CCNYL1: variants seen among roughly 807,000 people sequenced by gnomAD.
The protein encoded by CCNYL1 is cyclin-Y-like protein 1.
In CCNYL1, 16 loss-of-function variants were observed where a neutral mutation model predicts 44.2. The observed-to-expected ratio is 0.36, with a 90% CI of 0.25 to 0.55. The LOEUF (loss-of-function observed/expected upper bound fraction) is 0.55, where lower values mean the gene tolerates loss of function less well. CCNYL1 is among the 20% of genes least tolerant of loss of function. The pLI is 0.85. For synonymous variants in CCNYL1, 159 were observed against 163.2 expected, an observed-to-expected ratio of 0.97 and a Z score of 0.20; for missense variants, 348 against 451.8, an observed-to-expected ratio of 0.77 and a Z score of 2.08.
At chr2:207,721,742 T>G (rs924292732) in intron 1 of CCNYL1, among the ~76,000 whole-genome samples, 1 of 152,052 alleles carries the variant, frequency 6.6e-6, no homozygotes, top group African/African-American at 2.4e-5. Flanking sequence ...TTGTTTTTTT[T>G]TTTTTTGTTT....
chr2:207,741,265 T>A (rs1161961648), intron 6 of CCNYL1, among the ~76,000 whole-genome samples: 2 of 150,972 alleles, frequency 1.3e-5, no homozygotes, highest in Non-Finnish European at 3.0e-5. Flanking sequence ...AAAAAAAAAA[T>A]TTTTCAAAGT....
In CCNYL1 at chr2:207,715,765, G is replaced by T. The variant is rs11896569; in HGVS notation, c.220+3649G>T. Among the ~76,000 whole-genome samples, 555 of 148,270 alleles carry T rather than the reference G, an allele frequency of 3.7e-3. 2 individuals carry two copies. The highest frequency in any genetic ancestry group is 0.014 in the African/African-American group (545 of 39,882). ...GATCTCGGCTCACTGTAACCTCTGCGCCCAGAGTTCAAGCAGTTCTCCTGC... is the reference window on the plus strand; with the variant it reads ...GATCTCGGCTCACTGTAACCTCTGCTCCCAGAGTTCAAGCAGTTCTCCTGC... On this transcript the variant is annotated intron_variant, in intron 1 of 9. Coordinates refer to ENST00000295414, the MANE Select transcript of CCNYL1 (RefSeq NM_001330218.2).
chr2:207,737,560 T>C, intron 5 of CCNYL1, 114 bp downstream of exon 5: 1 of 743,942 alleles, frequency 1.3e-6, no homozygotes, highest in Non-Finnish European at 2.1e-6. Context: ...TATTACAGTA[T>C]TGAACTGAAT....
At chr2:207,741,584 C>G (rs1468787805) in intron 6 of CCNYL1, among the ~76,000 whole-genome samples, 3 of 152,086 alleles carry the variant, frequency 2.0e-5, no homozygotes, top group African/African-American at 7.2e-5. Context: ...TGGTGGCTCA[C>G]CCCTGTAATC....
intron 7 of CCNYL1, among the ~76,000 whole-genome samples, chr2:207,746,111 C>T (rs2091853004): frequency 1.3e-5 from 2 of 152,138 alleles, no homozygotes; most frequent in South Asian, 4.1e-4. Flanking sequence ...AACTGCTTGG[C>T]AGGTTTAGAG....
intron 3 of CCNYL1, among the ~76,000 whole-genome samples, chr2:207,727,140 G>GCCTAAA (rs2091685771): frequency 6.6e-6 from 1 of 151,876 alleles, no homozygotes. Context: ...AAATATTTTT[G>GCCTAAA]CCTAAAGTTT....
intron 5 of CCNYL1, among the ~76,000 whole-genome samples, chr2:207,739,366 G>A (rs1169534254): frequency 2.6e-5 from 4 of 152,130 alleles, no homozygotes; most frequent in Non-Finnish European, 4.4e-5. Context: ...CTGAGTAGCC[G>A]GGACTGCGGG....
intron 5 of CCNYL1, among the ~76,000 whole-genome samples, chr2:207,738,498 G>A (rs2091782460): frequency 1.3e-5 from 2 of 152,110 alleles, no homozygotes; most frequent in South Asian, 4.1e-4. Context: ...TGGGATTACA[G>A]GCATGAGCCA....
chr2:207,747,900 TTC>T (rs1238918587), intron 8 of CCNYL1, among the ~76,000 whole-genome samples: 2 of 152,050 alleles, frequency 1.3e-5, no homozygotes, highest in Non-Finnish European at 2.9e-5. Flanking sequence ...TCAAGCTCCT[TTC>T]TCTTTTTCAT....
chr2:207,734,008 G>A lies in CCNYL1; in HGVS notation c.392G>A (p.Ser131Asn), dbSNP rs2105829913. The change falls in exon 4 of 10, where the codon AGC (serine) becomes AAC (asparagine). Residue 131 changes from serine to asparagine, a missense_variant. Physicochemically the swap from Ser to Asn is conservative, Grantham distance 46 (BLOSUM62 1). Coordinates refer to ENST00000295414, the MANE Select transcript of CCNYL1 (RefSeq NM_001330218.2). ...SSCSTIFLDDSTVSQPNLRTT... is the reference protein window; with the variant it reads ...SSCSTIFLDDNTVSQPNLRTT... Reference sequence around the variant, plus strand: ...TGCTCAACAATATTTCTAGATGACAGCACAGTCAGCCAGCCTAATCTTAGA... The same window carrying A: ...TGCTCAACAATATTTCTAGATGACAACACAGTCAGCCAGCCTAATCTTAGA... 2.5e-6 allele frequency: 4 copies of A among 1,613,510 alleles called. No homozygotes were observed. The highest frequency in any genetic ancestry group is 3.4e-6 in the Non-Finnish European group (4 of 1,179,550).
Position 207,742,164 on chromosome 2 carries a change from A to T in CCNYL1, c.520-59A>T, listed in dbSNP as rs574711946. On this transcript the variant is annotated intron_variant, in intron 6 of 9. Coordinates refer to ENST00000295414, the MANE Select transcript of CCNYL1 (RefSeq NM_001330218.2). ...GAAACTCAGTCTCAAAAAAAAAAAA[A>T]AAAAGCTTAAAATTTTTTTCTTCAG... 1.9e-6 allele frequency: 3 copies of T among 1,539,944 alleles called. No individual in the cohort carries two copies. In the African/African-American group the frequency reaches 4.2e-5, roughly 21 times the overall value.
At chr2:207,730,983 C>T (rs1314799686) in intron 3 of CCNYL1, among the ~76,000 whole-genome samples, 3 of 151,946 alleles carry the variant, frequency 2.0e-5, no homozygotes, top group Non-Finnish European at 2.9e-5. Context: ...AGTTTAAATT[C>T]AACATAATGA....
At position 207,724,880 on chromosome 2, in the gene CCNYL1, A is replaced by G; in HGVS notation, c.295+6A>G. 2.5e-6 allele frequency: 4 copies of G among 1,604,514 alleles called. No individual in the cohort carries two copies. Among genetic ancestry groups the G allele is most frequent in the Admixed American group, 1.7e-5 (1 of 58,658 alleles). On this transcript the variant is annotated splice_donor_region_variant and intron_variant, in intron 2 of 9. Coordinates refer to ENST00000295414, the MANE Select transcript of CCNYL1 (RefSeq NM_001330218.2). ...GAGCAAATCTCAAACGGATGGTAAGACAATACTGTTTTTTCCTTCCAAGGA... is the reference window on the plus strand; with the variant it reads ...GAGCAAATCTCAAACGGATGGTAAGGCAATACTGTTTTTTCCTTCCAAGGA...
Position 207,732,147 on chromosome 2 carries a change from A to C in CCNYL1, c.331-1800A>C, listed in dbSNP as rs373179192. On this transcript the variant is annotated intron_variant, in intron 3 of 9. Coordinates refer to ENST00000295414, the MANE Select transcript of CCNYL1 (RefSeq NM_001330218.2). ...TTGAATGAATGTATTTGAATGAGTCAGTTTTTATTTTTTATACTGTATGTG... is the reference window on the plus strand; with the variant it reads ...TTGAATGAATGTATTTGAATGAGTCCGTTTTTATTTTTTATACTGTATGTG... Among the ~76,000 whole-genome samples, 66 of 152,310 alleles carry C rather than the reference A, an allele frequency of 4.3e-4. 1 individual carries two copies. Among genetic ancestry groups the C allele is most frequent in the African/African-American group, 1.5e-3 (64 of 41,580 alleles).
intron 5 of CCNYL1, among the ~76,000 whole-genome samples, chr2:207,739,746 T>A (rs2091793942): frequency 6.6e-6 from 1 of 152,198 alleles, no homozygotes; most frequent in Non-Finnish European, 1.5e-5. Flanking sequence ...TTTTTACTGC[T>A]TCAGCAAGGA....
chr2:207,737,280 TG>T, intron 4 of CCNYL1, 130 bp from the exon 5 acceptor site: 1 of 696,148 alleles, frequency 1.4e-6, no homozygotes, highest in Non-Finnish European at 2.5e-6. Flanking sequence ...AGTACCCATA[TG>T]GTACTGTTCT....
At chr2:207,737,737 C>T (rs1409930254) in intron 5 of CCNYL1, among the ~76,000 whole-genome samples, 1 of 151,542 alleles carries the variant, frequency 6.6e-6, no homozygotes, top group South Asian at 2.1e-4. Context: ...TCAACGTTGG[C>T]ACTGTTGATA....
chr2:207,726,798 G>T, intron 2 of CCNYL1, 44 bp from the exon 3 acceptor site: 1 of 1,355,964 alleles, frequency 7.4e-7, no homozygotes, highest in Non-Finnish European at 1.0e-6. Flanking sequence ...TTTATACTGT[G>T]GCATTTGTAT....
chr2:207,745,380 G>C (rs901755125), intron 7 of CCNYL1, among the ~76,000 whole-genome samples: 1 of 152,202 alleles, frequency 6.6e-6, no homozygotes, highest in Non-Finnish European at 1.5e-5. Flanking sequence ...AGTGGTATCA[G>C]TGAGCATCAG....
Sources: gnomAD v4.1 joint callset for allele counts (sites outside exome capture counted in the v4.1 genomes callset) on GRCh38, gnomAD v4.1.1 for gene constraint, MANE v1.5 for transcripts, NCBI Gene and HGNC (gene_info 2026-07-23, HGNC 2026-07-21) for gene names.